TLN2: variants seen among roughly 807,000 people sequenced by gnomAD.
TLN2 encodes talin-2.
A neutral mutation model predicts 294.7 loss-of-function variants in TLN2; 118 were observed. That is an observed-to-expected ratio of 0.40 (90% CI 0.34 to 0.47). The LOEUF (loss-of-function observed/expected upper bound fraction) is 0.47, where lower values mean the gene tolerates loss of function less well. Among genes scored for constraint, TLN2 ranks in the 20% least tolerant of loss-of-function variants. The pLI is 0.84. For synonymous variants in TLN2, 1,431 were observed against 1,304.5 expected (o/e 1.10, Z -2.09); for missense variants, 3,083 against 3,282.2 (o/e 0.94, Z 1.48).
chr15:62,454,046 C>T (rs2036317946), intron 1 of TLN2, among the ~76,000 whole-genome samples: 1 of 152,240 alleles, frequency 6.6e-6, no homozygotes, highest in Non-Finnish European at 1.5e-5. Context: ...TGCAAGGGCC[C>T]CTGTGGCTCA....
chr15:62,552,669 TA>T (rs2042389018), intron 1 of TLN2, among the ~76,000 whole-genome samples: 1 of 152,362 alleles, frequency 6.6e-6, no homozygotes, highest in African/African-American at 2.4e-5. Flanking sequence ...AGAAAATATG[TA>T]TGTTAGATAA....
chr15:62,703,395 T>G (rs1459457548), intron 19 of TLN2, among the ~76,000 whole-genome samples: 1 of 152,052 alleles, frequency 6.6e-6, no homozygotes, highest in Non-Finnish European at 1.5e-5. Flanking sequence ...CCACCGCGCC[T>G]GGCCGTGATT....
rs2064385525 is a variant in TLN2, at chr15:62,783,717, CTCTCTG to C, written c.5617-52_5617-47del. 8 of 1,362,852 alleles carry C rather than the reference CTCTCTG, an allele frequency of 5.9e-6. No individual in the cohort carries two copies. In the African/African-American group the frequency reaches 8.2e-5, roughly 14 times the overall value. The allele number at this position is 1,362,852 out of a possible 1,614,324, so 84.4% of individuals were successfully genotyped here. A position where few individuals can be genotyped will look rare whatever the true frequency, so the allele number is the denominator to read the frequency against. On this transcript the variant is annotated intron_variant, in intron 44 of 58. Coordinates refer to ENST00000636159, the MANE Select transcript of TLN2 (RefSeq NM_015059.3). The stretch of plus-strand genomic sequence containing the variant: ...ATTAACACATGGTTCTCATGCGTTT[CTCTCTG>C]TGTGTGTGTGTGTGTGTGTGTGTGT...
intron 2 of TLN2, among the ~76,000 whole-genome samples, chr15:62,610,888 G>T (rs2047858601): frequency 6.6e-6 from 1 of 152,184 alleles, no homozygotes; most frequent in South Asian, 2.1e-4. Flanking sequence ...ACGCACGGGT[G>T]TGTCTAACTT....
chr15:62,542,388 C>T (rs1428849255), intron 1 of TLN2, among the ~76,000 whole-genome samples: 2 of 152,104 alleles, frequency 1.3e-5, no homozygotes, highest in East Asian at 3.9e-4. Flanking sequence ...GACGGGGTTT[C>T]ACCATGTTAG....
intron 52 of TLN2, among the ~76,000 whole-genome samples, chr15:62,815,975 G>A (rs961912489): frequency 2.0e-5 from 3 of 152,046 alleles, no homozygotes; most frequent in Admixed American, 2.0e-4. Context: ...CTAAAAGCCC[G>A]GGGTCATTTC....
intron 43 of TLN2, 58 bp downstream of exon 43, chr15:62,776,968 G>A (rs942559513): frequency 2.8e-5 from 38 of 1,359,104 alleles, no homozygotes; most frequent in Admixed American, 8.8e-5. Flanking sequence ...TGGGCCTCGC[G>A]TGCTTTTCTC....
At chr15:62,567,509 C>T (rs1484887510) in intron 1 of TLN2, among the ~76,000 whole-genome samples, 2 of 152,168 alleles carry the variant, frequency 1.3e-5, no homozygotes, top group African/African-American at 4.8e-5. Flanking sequence ...CCAGACAAAG[C>T]CTCCCCCAAG....
In TLN2 at chr15:62,575,625, T is replaced by C. The variant is rs1010156917; in HGVS notation, c.-237-14062T>C. ...TAAAAAACACACACACACACACACA[T>C]ACACACACACAGAAAAATTAGTCCA... On this transcript the variant is annotated intron_variant, in intron 1 of 58. Coordinates refer to ENST00000636159, the MANE Select transcript of TLN2 (RefSeq NM_015059.3). Among the ~76,000 whole-genome samples, 93 of 105,912 alleles carry C rather than the reference T, an allele frequency of 8.8e-4. No homozygotes were observed. The East Asian group carries it at 0.016, about 19-fold the overall frequency. The allele number at this position is 105,912 out of a possible 152,430, so 69.5% of individuals were successfully genotyped here. A position where few individuals can be genotyped will look rare whatever the true frequency, so the allele number is the denominator to read the frequency against.
rs192863544 is a variant in TLN2 at position 62,619,029 on chromosome 15, C to T, written c.-37+554C>T. Among the ~76,000 whole-genome samples, 327 of 152,098 alleles carry T rather than the reference C, an allele frequency of 2.1e-3. 1 individual carries two copies. Among genetic ancestry groups the T allele is most frequent in the African/African-American group, 7.5e-3 (313 of 41,508 alleles). ...TTTCTGTCTGTGGCCTATACTATGC[C>T]CTGTTTTCTGTTCTTAGTTTGGATT... On this transcript the variant is annotated intron_variant, in intron 3 of 58. Transcript: ENST00000636159.
chr15:62,525,022 C>T (rs1009860834), intron 1 of TLN2, among the ~76,000 whole-genome samples: 5 of 152,180 alleles, frequency 3.3e-5, no homozygotes, highest in African/African-American at 7.2e-5. Flanking sequence ...TCATAGTCAT[C>T]GTGATAGCAT....
In TLN2 at chr15:62,809,980, T is replaced by C. The variant is rs1309937848; in HGVS notation, c.6719T>C (p.Phe2240Ser). 1 of 1,613,998 alleles carries C rather than the reference T, an allele frequency of 6.2e-7. No homozygotes were observed. ...SDEVRTRALR[F>S]GTECTLGYLD... is the part of the protein sequence containing the mutation. The stretch of plus-strand genomic sequence containing the variant: ...GAGGTGAGAACCAGAGCCTTGCGTT[T>C]CGGGACGGAGTGCACCCTTGGCTAC... The change falls in exon 52 of 59, where the codon TTC becomes TCC. Residue 2240 changes from phenylalanine (F) to serine (S), a missense_variant. By Grantham distance (155) the Phe-to-Ser change is radical. Coordinates refer to ENST00000636159, the MANE Select transcript of TLN2 (RefSeq NM_015059.3).
chr15:62,502,641 ATGTATCATCTG>A (rs1398733071), intron 1 of TLN2, among the ~76,000 whole-genome samples: 2 of 152,180 alleles, frequency 1.3e-5, no homozygotes, highest in Non-Finnish European at 2.9e-5. Context: ...AAGACTCATG[ATGTATCATCTG>A]TGCTTGGCTT....
At chr15:62,697,936 C>G in intron 15 of TLN2, 68 bp downstream of exon 15, 1 of 1,547,682 alleles carries the variant, frequency 6.5e-7, no homozygotes, top group East Asian at 2.3e-5. Flanking sequence ...TGGACACCAG[C>G]GGCGGTGATG....
intron 11 of TLN2, 54 bp downstream of exon 11, chr15:62,675,375 T>G (rs1398843986): frequency 6.3e-7 from 1 of 1,578,076 alleles, no homozygotes; most frequent in Non-Finnish European, 8.7e-7. Flanking sequence ...TTTTTTCTTT[T>G]GTTCAAGCGT....
chr15:62,582,805 T>C (rs1422907689), intron 1 of TLN2, among the ~76,000 whole-genome samples: 1 of 152,084 alleles, frequency 6.6e-6, no homozygotes, highest in African/African-American at 2.4e-5. Flanking sequence ...GGAGGGAAGC[T>C]GGCAAGCAGG....
intron 45 of TLN2, among the ~76,000 whole-genome samples, chr15:62,792,272 T>C (rs192716849): frequency 2.0e-3 from 308 of 152,300 alleles, no homozygotes; most frequent in Non-Finnish European, 3.4e-3. Flanking sequence ...TGACACACAA[T>C]AGGGGCTCAG....
intron 37 of TLN2, among the ~76,000 whole-genome samples, chr15:62,759,614 G>C (rs147380974): frequency 6.6e-6 from 1 of 152,328 alleles, no homozygotes; most frequent in African/African-American, 2.4e-5. Context: ...TGAGAGGTTT[G>C]TGGGAGCAGA....
Position 62,783,848 on chromosome 15 carries a change from T to A in TLN2, c.5694T>A (p.Ala1898=). Residue 1898 remains alanine, a synonymous_variant, in exon 45 of 59, where the codon GCT becomes GCA. Transcript: ENST00000636159. ...TGACCAGTGACTATGGGCACCTGGC[T>A]TTCCAGGGCCAGATGGCAGCAGCCA... The part of the protein sequence containing the change: ...SQMTSDYGHL[A]FQGQMAAATA... 1 of 1,614,044 alleles carries A rather than the reference T, an allele frequency of 6.2e-7. No individual in the cohort carries two copies.
Sources: allele counts gnomAD v4.1 joint callset (sites outside exome capture counted in the v4.1 genomes callset), GRCh38; gene constraint gnomAD v4.1.1; transcripts MANE v1.5; gene names NCBI Gene and HGNC (gene_info 2026-07-23, HGNC 2026-07-21).